Variants in MEGF6 observed in about 807,000 individuals in gnomAD.
The protein encoded by MEGF6 is multiple epidermal growth factor-like domains protein 6.
MEGF6 carries 184 observed loss-of-function variants against 207.1 expected under a neutral mutation model. The observed-to-expected ratio is 0.89, with a 90% CI of 0.79 to 1.00. MEGF6 has a LOEUF of 1.00. Among genes scored for constraint, MEGF6 ranks in the 50% least tolerant of loss-of-function variants. The pLI, the probability that MEGF6 is intolerant of heterozygous loss-of-function variation, is 0.00. For synonymous variants in MEGF6, 1,038 were observed against 910.0 expected (o/e 1.14, Z -2.53); for missense variants, 2,282 against 2,202.9 (o/e 1.04, Z -0.72).
the MEGF6 span, among the ~76,000 whole-genome samples, chr1:3,620,815 T>C: frequency 6.6e-6 from 1 of 152,218 alleles, no homozygotes; most frequent in Admixed American, 6.5e-5. Flanking sequence ...AATGCCTGGC[T>C]GCGCTGTTAT....
chr1:3,501,783 G>C lies in MEGF6; in HGVS notation c.2314+13C>G. The C allele has an allele frequency of 6.2e-7, 1 of 1,609,716 alleles. No homozygotes were observed. Among genetic ancestry groups the C allele is most frequent in the East Asian group, 2.2e-5 (1 of 44,778 alleles). On this transcript the variant is annotated intron_variant, in intron 18 of 36. Transcript: ENST00000356575. ...CCTGGGGAGGCGGAACTGGGGCTGC[G>C]GCTGACACTCACCTGCCTCACAGTC... is the stretch of plus-strand genomic sequence containing the variant.
chr1:3,531,158 G>C (rs749251784), intron 4 of MEGF6: 2 of 1,525,808 alleles, frequency 1.3e-6, no homozygotes, highest in Non-Finnish European at 1.8e-6. Flanking sequence ...CAGAGGTAGC[G>C]GTAGTGCGTG....
chr1:3,490,581 G>C lies in MEGF6; in HGVS notation c.4573C>G (p.Leu1525Val), dbSNP rs1296489059. ...GATGTGGGTCTGCTGGAGGCGGGCA[G>C]TGTGCCCGCTGGGGAAAAGGAGAAA... ...PSLAQGSAGTLPASSRPTSRS... is the reference protein window; with the variant it reads ...PSLAQGSAGTVPASSRPTSRS... The change falls in exon 37 of 37, where the codon CTG becomes GTG. Residue 1525 changes from leucine (L) to valine (V), a missense_variant. Leu to Val is a conservative substitution (Grantham distance 32). Coordinates refer to ENST00000356575, the MANE Select transcript of MEGF6 (RefSeq NM_001409.4). The C allele has an allele frequency of 1.2e-6, 2 of 1,613,390 alleles. No homozygotes were observed. The highest frequency in any genetic ancestry group is 2.2e-5 in the South Asian group (2 of 91,072).
chr1:3,536,480 G>C (rs1642332794), intron 4 of MEGF6, among the ~76,000 whole-genome samples: 1 of 152,170 alleles, frequency 6.6e-6, no homozygotes, highest in Admixed American at 6.5e-5. Flanking sequence ...CTAGGGAGGA[G>C]CCCGGGCGTG....
intron 24 of MEGF6, 74 bp downstream of exon 24, chr1:3,499,064 T>G: frequency 6.4e-7 from 1 of 1,557,306 alleles, no homozygotes; most frequent in Non-Finnish European, 8.7e-7. Flanking sequence ...CCAAGTGTCC[T>G]GTGGGCCCTG....
At chr1:3,600,740 C>T (rs796319014) in intron 2 of MEGF6, among the ~76,000 whole-genome samples, 4 of 152,278 alleles carry the variant, frequency 2.6e-5, no homozygotes, top group African/African-American at 9.6e-5. Flanking sequence ...AGAAGCATCC[C>T]AAAGGGACAG....
chr1:3,562,106 T>C (rs1643219699), intron 4 of MEGF6, among the ~76,000 whole-genome samples: 1 of 152,150 alleles, frequency 6.6e-6, no homozygotes, highest in African/African-American at 2.4e-5. Context: ...CCAGGCAGTC[T>C]CTCTGCCCTC....
chr1:3,501,290 C>T lies in MEGF6; in HGVS notation c.2333G>A (p.Trp778Ter). The part of the protein sequence containing the change: ...DCEADCPEGR[W>*]GLGCQEICPA... Reference sequence around the variant, plus strand: ...GCAGATCTCCTGGCAGCCCAGCCCCCAGCGGCCCTCGGGACAATCTAGTGC... The same window carrying T: ...GCAGATCTCCTGGCAGCCCAGCCCCTAGCGGCCCTCGGGACAATCTAGTGC... The change falls in exon 19 of 37, where the codon TGG becomes TAG. Residue 778 changes from tryptophan to a stop codon, truncating the protein, a stop_gained. Coordinates refer to ENST00000356575, the MANE Select transcript of MEGF6 (RefSeq NM_001409.4). LOFTEE classifies it high-confidence loss of function. The T allele has an allele frequency of 1.2e-6, 2 of 1,600,846 alleles. No individual in the cohort carries two copies. Among genetic ancestry groups the T allele is most frequent in the Non-Finnish European group, 1.7e-6 (2 of 1,174,420 alleles).
Position 3,489,677 on chromosome 1 carries a change from T to C in MEGF6, c.*851A>G, listed in dbSNP as rs1028896422. ...CCCTCCACACCAGCCCTCCTCCCCC[T>C]GGGCCATTCTCTGGGAACAGCCAGT... On this transcript the variant is annotated 3_prime_UTR_variant, in exon 37 of 37. Transcript: ENST00000356575. Among the ~76,000 whole-genome samples the C allele has an allele frequency of 3.9e-5, 6 of 152,162 alleles. No homozygotes were observed. Among genetic ancestry groups the C allele is most frequent in the South Asian group, 2.1e-4 (1 of 4,830 alleles).
At chr1:3,574,280 C>T (rs1643583827) in intron 4 of MEGF6, among the ~76,000 whole-genome samples, 1 of 152,000 alleles carries the variant, frequency 6.6e-6, no homozygotes, top group Admixed American at 6.6e-5. Context: ...CTTCTAGAAG[C>T]TTGGCTGACC....
intron 4 of MEGF6, among the ~76,000 whole-genome samples, chr1:3,553,387 G>A (rs764619477): frequency 8.5e-5 from 13 of 152,144 alleles, no homozygotes; most frequent in African/African-American, 1.2e-4. Flanking sequence ...CAGGCGGGAC[G>A]GGGACACAGG....
rs567795805 is a variant in MEGF6, at chr1:3,490,431, A to C, written c.*97T>G. The C allele has an allele frequency of 3.3e-5, 44 of 1,338,424 alleles. No individual in the cohort carries two copies. Among genetic ancestry groups the C allele is most frequent in the Non-Finnish European group, 4.4e-5 (42 of 955,806 alleles). 82.9% of individuals were successfully genotyped at this position (1,338,424 alleles called of 1,614,324 possible). ...CCCTCAAAGGAAGGGCAGTACCAGG[A>C]GCTCTGGGCCCGTGAAGTGTCCTTC... On this transcript the variant is annotated 3_prime_UTR_variant, in exon 37 of 37. Coordinates refer to ENST00000356575, the MANE Select transcript of MEGF6 (RefSeq NM_001409.4).
intron 2 of MEGF6, among the ~76,000 whole-genome samples, chr1:3,600,964 G>A (rs1644147315): frequency 6.6e-6 from 1 of 152,182 alleles, no homozygotes; most frequent in South Asian, 2.1e-4. Context: ...TTTCGGGAGG[G>A]AGGGTTGGTG....
At chr1:3,512,596 A>C (rs1322417147) in intron 7 of MEGF6, among the ~76,000 whole-genome samples, 1 of 152,144 alleles carries the variant, frequency 6.6e-6, no homozygotes, top group Non-Finnish European at 1.5e-5. Context: ...ATAGTGAGTA[A>C]GTCTCATGAG....
intron 1 of MEGF6, among the ~76,000 whole-genome samples, chr1:3,603,516 C>T (rs1644195099): frequency 6.6e-6 from 1 of 152,162 alleles, no homozygotes; most frequent in Non-Finnish European, 1.5e-5. Flanking sequence ...AGAGGCTTGT[C>T]CTGCTCTCCC....
chr1:3,616,270 C>G (rs1334436501), upstream of MEGF6, among the ~76,000 whole-genome samples: 1 of 152,164 alleles, frequency 6.6e-6, no homozygotes, highest in African/African-American at 2.4e-5. Context: ...TTCTGTCAAT[C>G]CAAGAAAATA....
intron 14 of MEGF6, among the ~76,000 whole-genome samples, chr1:3,506,513 C>T (rs1351735208): frequency 6.6e-6 from 1 of 152,212 alleles, no homozygotes; most frequent in Non-Finnish European, 1.5e-5. Flanking sequence ...CCACTCTCCC[C>T]AAAGTCTGGC....
At chr1:3,499,771 A>C in intron 22 of MEGF6, 25 bp downstream of exon 22, 4 of 1,576,578 alleles carry the variant, frequency 2.5e-6, no homozygotes, top group Non-Finnish European at 1.7e-6. Context: ...CACCCAGCCT[A>C]GCCCCCGCCT....
intron 1 of MEGF6, among the ~76,000 whole-genome samples, chr1:3,605,019 G>A (rs1219990025): frequency 6.6e-6 from 1 of 151,900 alleles, no homozygotes; most frequent in Non-Finnish European, 1.5e-5. Context: ...GACCTCTGTG[G>A]ATCACATCCT....
Sources: gnomAD v4.1 joint callset for allele counts (sites outside exome capture counted in the v4.1 genomes callset) on GRCh38, gnomAD v4.1.1 for gene constraint, MANE v1.5 for transcripts, NCBI Gene and HGNC (gene_info 2026-07-23, HGNC 2026-07-21) for gene names.